Variants in FGL1 observed in about 807,000 individuals in gnomAD.
The protein encoded by FGL1 is fibrinogen-like protein 1.
FGL1 carries 59 observed loss-of-function variants against 43.7 expected under a neutral mutation model. The observed-to-expected ratio is 1.35, with a 90% confidence interval of 1.10 to 1.68. The LOEUF is 1.68. Among genes scored for constraint, FGL1 ranks in the 40% most tolerant of loss-of-function variants. The pLI, the probability that FGL1 is intolerant of heterozygous loss-of-function variation, is 0.00. For missense variants in FGL1, 596 were observed against 373.0 expected, an observed-to-expected ratio of 1.60 and a Z score of -4.92; for synonymous variants, 192 against 126.5, an observed-to-expected ratio of 1.52 and a Z score of -3.48.
At position 17,865,824 on chromosome 8, in the gene FGL1, T is replaced by C. The variant is rs1487610582; in HGVS notation, c.780-1073A>G. Among the ~76,000 whole-genome samples, 4 of 152,188 alleles carry C rather than the reference T, an allele frequency of 2.6e-5. No individual in the cohort carries two copies. The East Asian group carries it at 5.8e-4, about 22-fold the overall frequency. ...AACATCTATGGAAAAACCCAAATTA[T>C]TGAATCAAAAAAGCATATAATCTAC... is the stretch of plus-strand genomic sequence containing the variant. On this transcript the variant is annotated intron_variant, in intron 7 of 7. Transcript: ENST00000427924.
intron 1 of FGL1, among the ~76,000 whole-genome samples, chr8:17,889,440 C>T (rs1318953653): frequency 1.3e-5 from 2 of 152,122 alleles, no homozygotes; most frequent in African/African-American, 4.8e-5. Flanking sequence ...ATCCCAGCTA[C>T]TCGGGAGGCT....
At position 17,874,486 on chromosome 8, in the gene FGL1, T is replaced by G. The variant is rs780917860; in HGVS notation, c.280A>C (p.Ser94Arg). 1 of 1,614,002 alleles carries G rather than the reference T, an allele frequency of 6.2e-7. No individual in the cohort carries two copies. The highest frequency in any genetic ancestry group is 2.2e-5 in the East Asian group (1 of 44,858). The change falls in exon 4 of 8, where the codon AGT (serine) becomes CGT (arginine). Residue 94 changes from serine (S) to arginine (R), a missense_variant. Physicochemically the swap from Ser to Arg is moderately radical, Grantham distance 110. Transcript: ENST00000427924. ...AGAGGTTTGATTTTGTAAAATCCACTGAGCTTATACCCATCATTGAAAATC... is the reference window on the plus strand; with the variant it reads ...AGAGGTTTGATTTTGTAAAATCCACGGAGCTTATACCCATCATTGAAAATC... Reference protein sequence around the residue: ...SEIFNDGYKLSGFYKIKPLQS... With the variant: ...SEIFNDGYKLRGFYKIKPLQS...
Position 17,877,935 on chromosome 8 carries a change from C to T in FGL1, c.245-3414G>A, listed in dbSNP as rs1009149210. ...TTCACTGAGTACTTCTTTTGCTCTA[C>T]GATGTTAAATATATTAACTCATTTT... On this transcript the variant is annotated intron_variant, in intron 3 of 7. Transcript: ENST00000427924. Among the ~76,000 whole-genome samples, 6 of 152,096 alleles carry T rather than the reference C, an allele frequency of 3.9e-5. No homozygotes were observed. In the South Asian group the frequency reaches 8.3e-4, roughly 21 times the overall value.
chr8:17,877,997 C>A (rs142356047), intron 3 of FGL1, among the ~76,000 whole-genome samples: 1 of 152,108 alleles, frequency 6.6e-6, no homozygotes, highest in Non-Finnish European at 1.5e-5. Context: ...GGGTCTCACT[C>A]TGTTACCCAG....
At position 17,868,669 on chromosome 8, in the gene FGL1, G is replaced by C. The variant is rs2053308636; in HGVS notation, c.658C>G (p.His220Asp). 1 of 1,613,938 alleles carries C rather than the reference G, an allele frequency of 6.2e-7. No homozygotes were observed. The highest frequency in any genetic ancestry group is 1.3e-5 in the African/African-American group (1 of 75,032). ...CTAGCCCACCACTGCACCTCAGGAT[G>C]AAAATTCCCCGCAAGGGAATCTCCA... ...TAGDSLAGNF[H>D]PEVQWWASHQ... is the part of the protein sequence containing the mutation. The change falls in exon 7 of 8, where the codon CAT becomes GAT. Residue 220 changes from histidine (H) to aspartate (D), a missense_variant. Transcript: ENST00000427924.
At chr8:17,864,897 A>C (rs2053247046) in intron 7 of FGL1, 146 bp from the exon 8 acceptor site, 1 of 586,200 alleles carries the variant, frequency 1.7e-6, no homozygotes, top group African/African-American at 1.9e-5. Flanking sequence ...ACTAGTTTCC[A>C]AAAGCTGAGA....
chr8:17,875,449 G>A (rs959974882), intron 3 of FGL1, among the ~76,000 whole-genome samples: 1 of 151,724 alleles, frequency 6.6e-6, no homozygotes, highest in Non-Finnish European at 1.5e-5. Context: ...TGAAGCAAAT[G>A]TAGCTACCCC....
At chr8:17,884,233 C>G (rs1001388062) in intron 2 of FGL1, among the ~76,000 whole-genome samples, 2 of 151,778 alleles carry the variant, frequency 1.3e-5, no homozygotes, top group African/African-American at 2.4e-5. Context: ...GCTCTGTTGC[C>G]CAGGCTGGAG....
At chr8:17,879,849 C>T (rs904284048) in intron 3 of FGL1, among the ~76,000 whole-genome samples, 5 of 152,124 alleles carry the variant, frequency 3.3e-5, no homozygotes, top group African/African-American at 1.2e-4. Flanking sequence ...GAACAAACAT[C>T]TGATTAGCTG....
intron 5 of FGL1, among the ~76,000 whole-genome samples, chr8:17,871,783 A>G (rs2053365868): frequency 6.6e-6 from 1 of 152,194 alleles, no homozygotes; most frequent in South Asian, 2.1e-4. Context: ...GGGGCCCAGG[A>G]ACTGAAAAAC....
At chr8:17,886,482 G>C (rs10098788) in intron 1 of FGL1, among the ~76,000 whole-genome samples, 75,410 of 151,684 alleles carry the variant, frequency 0.5, 21,344 homozygotes, top group Non-Finnish European at 0.65. Context: ...GGGGGGCCTG[G>C]TGCGGTGGCT....
intron 3 of FGL1, among the ~76,000 whole-genome samples, chr8:17,878,947 A>G (rs1199649192): frequency 1.5e-5 from 1 of 67,928 alleles, no homozygotes; most frequent in African/African-American, 4.7e-5. Context: ...TATGTTATAT[A>G]TTTTATTTAT....
intron 1 of FGL1, among the ~76,000 whole-genome samples, chr8:17,886,097 C>G (rs2053624195): frequency 6.6e-6 from 1 of 152,120 alleles, no homozygotes; most frequent in African/African-American, 2.4e-5. Context: ...TTTTGGTATC[C>G]CTAGCATTTA....
intron 1 of FGL1, among the ~76,000 whole-genome samples, chr8:17,889,010 G>C (rs1395446565): frequency 6.6e-6 from 1 of 152,050 alleles, no homozygotes; most frequent in African/African-American, 2.4e-5. Flanking sequence ...TGCTAAACAG[G>C]CTTGATGGGA....
intron 4 of FGL1, 74 bp from the exon 5 acceptor site, chr8:17,874,190 T>C (rs1408416660): frequency 1.9e-5 from 26 of 1,359,090 alleles, no homozygotes; most frequent in Non-Finnish European, 2.6e-5. Context: ...ACCCACCCCC[T>C]GCTACCACCA....
intron 3 of FGL1, among the ~76,000 whole-genome samples, chr8:17,881,362 C>G (rs956114897): frequency 6.6e-6 from 1 of 151,684 alleles, no homozygotes; most frequent in African/African-American, 2.4e-5. Flanking sequence ...GTCTAGATCT[C>G]CTGACCTTGT....
chr8:17,880,087 C>G (rs2053512229), intron 3 of FGL1, among the ~76,000 whole-genome samples: 1 of 152,126 alleles, frequency 6.6e-6, no homozygotes, highest in African/African-American at 2.4e-5. Context: ...CCATTTTTAC[C>G]CGAACTGTCC....
At chr8:17,880,799 G>C (rs34201807) in intron 3 of FGL1, among the ~76,000 whole-genome samples, 2,636 of 152,248 alleles carry the variant, frequency 0.017, 78 homozygotes, top group African/African-American at 0.06. Context: ...ACTTCTGGAG[G>C]AATTCAAGTG....
intron 3 of FGL1, among the ~76,000 whole-genome samples, chr8:17,876,616 A>G (rs1489085109): frequency 6.6e-6 from 1 of 152,242 alleles, no homozygotes; most frequent in African/African-American, 2.4e-5. Flanking sequence ...TAAAGTTTAC[A>G]TCTTGTAGTC....
Sources: allele counts gnomAD v4.1 joint callset (sites outside exome capture counted in the v4.1 genomes callset), GRCh38; gene constraint gnomAD v4.1.1; transcripts MANE v1.5; gene names NCBI Gene and HGNC (gene_info 2026-07-23, HGNC 2026-07-21).